Variants in ELFN1 observed in about 807,000 individuals in gnomAD.
ELFN1 encodes the protein extracellular leucine rich repeat and fibronectin type III domain containing 1.
In ELFN1, 6 loss-of-function variants were observed where a neutral mutation model predicts 7.6. That is an observed-to-expected ratio of 0.79 (90% CI 0.43 to 1.56). The LOEUF is 1.56. Among genes scored for constraint, ELFN1 ranks in the 40% most tolerant of loss-of-function variants. ELFN1 has a pLI of 0.01. For missense variants in ELFN1, 1,169 were observed against 1,232.2 expected (o/e 0.95, Z 0.77); for synonymous variants, 657 against 588.1 (o/e 1.12, Z -1.70).
At chr7:1,686,212 T>C (rs1285260597) in intron 1 of ELFN1, among the ~76,000 whole-genome samples, 2 of 151,834 alleles carry the variant, frequency 1.3e-5, no homozygotes, top group African/African-American at 4.8e-5. Flanking sequence ...GTTTTGTTGT[T>C]GTTGTTGTTT....
At chr7:1,737,555 GT>G (rs934108665) in intron 3 of ELFN1, among the ~76,000 whole-genome samples, 5 of 152,206 alleles carry the variant, frequency 3.3e-5, no homozygotes, top group African/African-American at 1.2e-4. Flanking sequence ...AAGGTCAAAT[GT>G]GCTTCAGACT....
At position 1,744,452 on chromosome 7, in the gene ELFN1, G is replaced by A. The variant is rs190611020; in HGVS notation, c.-145G>A. The A allele has an allele frequency of 8.2e-3, 7,704 of 941,380 alleles. 43 individuals carry two copies. Among genetic ancestry groups the A allele is most frequent in the Admixed American group, 0.012 (345 of 28,838 alleles). The allele number at this position is 941,380 out of a possible 1,614,324, so 58.3% of individuals were successfully genotyped here. A position where few individuals can be genotyped will look rare whatever the true frequency, so the allele number is the denominator to read the frequency against. ...CCCTCCCTCCCCGCGCTTACGTCGCGCGGCCATGCGGTTTGGGACAGGACA... is the reference window on the plus strand; with the variant it reads ...CCCTCCCTCCCCGCGCTTACGTCGCACGGCCATGCGGTTTGGGACAGGACA... On this transcript the variant is annotated 5_prime_UTR_variant, in exon 4 of 4. Transcript: ENST00000424383.
chr7:1,671,489 C>G (rs770633710), intron 1 of ELFN1, among the ~76,000 whole-genome samples: 3 of 152,188 alleles, frequency 2.0e-5, no homozygotes, highest in African/African-American at 2.4e-5. Context: ...AAGGGCTGTG[C>G]GGAGAGCCTG....
Position 1,746,583 on chromosome 7 carries a change from G to T in ELFN1, c.1987G>T (p.Ala663Ser), listed in dbSNP as rs758631368. The T allele has an allele frequency of 7.4e-7, 1 of 1,346,092 alleles. No homozygotes were observed. The highest frequency in any genetic ancestry group is 9.5e-7 in the Non-Finnish European group (1 of 1,053,278). 83.4% of individuals were successfully genotyped at this position (1,346,092 alleles called of 1,614,324 possible). A position where few individuals can be genotyped will look rare whatever the true frequency, so the allele number is the denominator to read the frequency against. ...RAEAVGVHKA[A>S]AAEAKYIEKG... ...CGAGGCCGTCGGGGTGCACAAGGCC[G>T]CGGCCGCCGAGGCCAAGTACATCGA... Residue 663 changes from alanine to serine, a missense_variant, in exon 4 of 4, where the codon GCG (alanine) becomes TCG (serine). By Grantham distance (99) the Ala-to-Ser change is moderately conservative (BLOSUM62 1). Transcript: ENST00000424383.
intron 2 of ELFN1, among the ~76,000 whole-genome samples, chr7:1,700,504 A>C (rs1779404545): frequency 6.6e-6 from 1 of 152,066 alleles, no homozygotes; most frequent in Non-Finnish European, 1.5e-5. Flanking sequence ...TCTCCGGGGG[A>C]GACATACCCA....
intron 1 of ELFN1, among the ~76,000 whole-genome samples, chr7:1,683,830 A>C (rs1051957251): frequency 1.3e-5 from 2 of 152,168 alleles, no homozygotes; most frequent in Non-Finnish European, 2.9e-5. Flanking sequence ...TTCTTGTCTT[A>C]AAGTCTATTT....
In ELFN1 at chr7:1,747,883, TAAAA is replaced by T. The variant is rs5881906; in HGVS notation, c.*814_*817del. 2.8e-5 allele frequency: 4 copies of T among 144,090 alleles called. No homozygotes were observed. The highest frequency in any genetic ancestry group is 3.2e-5 in the Non-Finnish European group (2 of 62,922). 8.9% of individuals were successfully genotyped at this position (144,090 alleles called of 1,614,324 possible). The stretch of plus-strand genomic sequence containing the variant: ...AGAAAGAAAAAAAGACTATGTCTAC[TAAAA>T]AAAAAAAAAAAAAGACTATGTCTAC... On this transcript the variant is annotated 3_prime_UTR_variant, in exon 4 of 4. Coordinates refer to ENST00000424383, the MANE Select transcript of ELFN1 (RefSeq NM_001128636.4).
intron 3 of ELFN1, among the ~76,000 whole-genome samples, chr7:1,738,343 G>C (rs1780509193): frequency 6.6e-6 from 1 of 152,208 alleles, no homozygotes; most frequent in African/African-American, 2.4e-5. Flanking sequence ...AAGCTGAGAT[G>C]CAGGACCCCC....
chr7:1,733,505 A>G (rs541552449), intron 3 of ELFN1, among the ~76,000 whole-genome samples: 1 of 152,170 alleles, frequency 6.6e-6, no homozygotes, highest in East Asian at 1.9e-4. Flanking sequence ...AGAACTTTCT[A>G]GTAACAGACA....
intron 3 of ELFN1, among the ~76,000 whole-genome samples, chr7:1,734,301 C>T (rs936927111): frequency 2.0e-4 from 30 of 152,174 alleles, no homozygotes; most frequent in Non-Finnish European, 8.8e-5. Context: ...CACCCCACAT[C>T]CCTGCCAGCG....
chr7:1,706,207 G>A (rs1333482711), intron 2 of ELFN1, among the ~76,000 whole-genome samples: 3 of 152,190 alleles, frequency 2.0e-5, no homozygotes, highest in East Asian at 1.9e-4. Flanking sequence ...GGTGGATCAC[G>A]AGGTCAGGAG....
At chr7:1,668,785 T>A (rs1356064718), upstream of ELFN1, among the ~76,000 whole-genome samples, 2 of 152,246 alleles carry the variant, frequency 1.3e-5, no homozygotes, top group Non-Finnish European at 2.9e-5. Flanking sequence ...CTGACCGTGG[T>A]CCAGGTCGGG....
rs570844931 is a variant in ELFN1, at chr7:1,725,523, G to A, written c.-294+16271G>A. Among the ~76,000 whole-genome samples the A allele has an allele frequency of 6.1e-4, 93 of 152,226 alleles. No individual in the cohort carries two copies. The East Asian group carries it at 0.014, about 23-fold the overall frequency. ...GGAGCAGAACACAGGCCTCCCTCCC[G>A]GGCCGGCTGCCTCTCATTGACTAAG... is the stretch of plus-strand genomic sequence containing the variant. On this transcript the variant is annotated intron_variant, in intron 3 of 3. Transcript: ENST00000424383.
intron 3 of ELFN1, among the ~76,000 whole-genome samples, chr7:1,727,478 TGCCCC>T (rs1300408860): frequency 2.1e-5 from 3 of 140,532 alleles, no homozygotes; most frequent in African/African-American, 9.8e-5. Flanking sequence ...AGTAGTGGGG[TGCCCC>T]TGTGGTCAGT....
At chr7:1,696,554 T>C (rs1176968671) in intron 2 of ELFN1, among the ~76,000 whole-genome samples, 2 of 151,988 alleles carry the variant, frequency 1.3e-5, no homozygotes, top group Non-Finnish European at 2.9e-5. Context: ...ACCACACCCA[T>C]GCACTAACTA....
At chr7:1,685,225 A>G (rs1779042732) in intron 1 of ELFN1, among the ~76,000 whole-genome samples, 1 of 151,894 alleles carries the variant, frequency 6.6e-6, no homozygotes, top group South Asian at 2.1e-4. Flanking sequence ...CTGTGAATCA[A>G]TTTTCTCCTG....
chr7:1,685,558 C>T (rs919786749), intron 1 of ELFN1, among the ~76,000 whole-genome samples: 1 of 152,096 alleles, frequency 6.6e-6, no homozygotes, highest in African/African-American at 2.4e-5. Flanking sequence ...TTCAAGCACA[C>T]TAATTTTTTT....
Position 1,705,169 on chromosome 7 carries a change from G to A in ELFN1, c.-455-3922G>A, listed in dbSNP as rs1463487903. Among the ~76,000 whole-genome samples the A allele has an allele frequency of 6.6e-6, 1 of 152,178 alleles. No homozygotes were observed. Among genetic ancestry groups the A allele is most frequent in the African/African-American group, 2.4e-5 (1 of 41,456 alleles). On this transcript the variant is annotated intron_variant, in intron 2 of 3. Transcript: ENST00000424383. This position sits in a 1 kb window ranked among gnomAD's most constrained non-coding sequence, Gnocchi z 4.3. ...TGCAGGTCACACCCACAGGGCCAAGGGGTGGGCAGCATGGAGGTGCAGGGT... is the reference window on the plus strand; with the variant it reads ...TGCAGGTCACACCCACAGGGCCAAGAGGTGGGCAGCATGGAGGTGCAGGGT...
intron 3 of ELFN1, among the ~76,000 whole-genome samples, chr7:1,716,932 G>A (rs1779852599): frequency 6.6e-6 from 1 of 152,216 alleles, no homozygotes; most frequent in Non-Finnish European, 1.5e-5. Flanking sequence ...GGGCATGGGA[G>A]CCAGAGGGAA....
Sources: gnomAD v4.1 joint callset for allele counts (sites outside exome capture counted in the v4.1 genomes callset) on GRCh38, gnomAD v4.1.1 for gene constraint, Gnocchi (gnomAD v3.1) non-coding constraint, MANE v1.5 for transcripts, NCBI Gene and HGNC (gene_info 2026-07-23, HGNC 2026-07-21) for gene names.